HCN1: variants seen among roughly 807,000 people sequenced by gnomAD.
HCN1 encodes potassium/sodium hyperpolarization-activated cyclic nucleotide-gated channel 1.
HCN1 carries 13 observed loss-of-function variants against 78.9 expected under a neutral mutation model. That is an observed-to-expected ratio of 0.16 (90% CI 0.11 to 0.26). The LOEUF (loss-of-function observed/expected upper bound fraction) is 0.26. Among genes scored for constraint, HCN1 ranks in the 10% least tolerant of loss-of-function variants. HCN1 has a pLI of 1.00. For synonymous variants in HCN1, 552 were observed against 455.5 expected (o/e 1.21, Z -2.70); for missense variants, 810 against 1,154.3 (o/e 0.70, Z 4.32).
chr5:45,262,341 C>A lies in HCN1; in HGVS notation c.2253G>T (p.Pro751=). ...SQPPQTQPQQ[P]SPQPQTPGSS... ...TGCCAGGTGTCTGTGGCTGCGGGGA[C>A]GGCTGCTGTGGCTGAGTCTGCGGCG... The change falls in exon 8 of 8, where the codon CCG becomes CCT. Residue 751 remains proline, a synonymous_variant. Coordinates refer to ENST00000303230, the MANE Select transcript of HCN1 (RefSeq NM_021072.4). 2.5e-6 allele frequency: 4 copies of A among 1,613,318 alleles called. No individual in the cohort carries two copies. The highest frequency in any genetic ancestry group is 3.4e-6 in the Non-Finnish European group (4 of 1,179,856).
At chr5:45,270,258 C>A (rs1206137965) in intron 6 of HCN1, among the ~76,000 whole-genome samples, 1 of 152,184 alleles carries the variant, frequency 6.6e-6, no homozygotes, top group Non-Finnish European at 1.5e-5. Flanking sequence ...AAAAGTTGTA[C>A]TACAGGTCCC....
chr5:45,431,710 T>G (rs1016199161), intron 3 of HCN1, among the ~76,000 whole-genome samples: 3 of 152,166 alleles, frequency 2.0e-5, no homozygotes, highest in Non-Finnish European at 4.4e-5. Flanking sequence ...CCGTTGCTTG[T>G]TTTTGTCAAC....
chr5:45,648,061 A>G (rs1407503248), intron 1 of HCN1, among the ~76,000 whole-genome samples: 1 of 152,168 alleles, frequency 6.6e-6, no homozygotes, highest in Non-Finnish European at 1.5e-5. Flanking sequence ...GGTTTTATGG[A>G]TTAAACGAGA....
At chr5:45,579,112 T>G (rs1445069878) in intron 2 of HCN1, among the ~76,000 whole-genome samples, 1 of 152,048 alleles carries the variant, frequency 6.6e-6, no homozygotes, top group Non-Finnish European at 1.5e-5. Context: ...GTATAATAAT[T>G]AAATATACAC....
At chr5:45,470,003 ATT>A (rs1741357735) in intron 2 of HCN1, among the ~76,000 whole-genome samples, 1 of 152,052 alleles carries the variant, frequency 6.6e-6, no homozygotes, top group Admixed American at 6.6e-5. Flanking sequence ...CAACTCGCTT[ATT>A]GCACCATTTG....
intron 6 of HCN1, among the ~76,000 whole-genome samples, chr5:45,288,672 A>G (rs942798270): frequency 1.3e-5 from 2 of 152,080 alleles, no homozygotes; most frequent in Non-Finnish European, 1.5e-5. Flanking sequence ...GCAATATTAT[A>G]GAAAGAAAGA....
chr5:45,473,571 T>C (rs922180275), intron 2 of HCN1, among the ~76,000 whole-genome samples: 3 of 151,686 alleles, frequency 2.0e-5, no homozygotes, highest in African/African-American at 7.2e-5. Flanking sequence ...CCTCACCTAT[T>C]TTTTTTCTTT....
intron 5 of HCN1, among the ~76,000 whole-genome samples, chr5:45,311,827 T>C (rs1745856894): frequency 6.6e-6 from 1 of 152,202 alleles, no homozygotes; most frequent in Non-Finnish European, 1.5e-5. Context: ...ACTGGTCGCC[T>C]TGGAACCTGG....
Position 45,582,001 on chromosome 5 carries a change from C to T in HCN1, c.849+63184G>A, listed in dbSNP as rs561301144. Among the ~76,000 whole-genome samples the T allele has an allele frequency of 1.8e-4, 28 of 152,208 alleles. 1 individual carries two copies. The South Asian group carries it at 3.3e-3, about 18-fold the overall frequency. On this transcript the variant is annotated intron_variant, in intron 2 of 7. Coordinates refer to ENST00000303230, the MANE Select transcript of HCN1 (RefSeq NM_021072.4). The stretch of plus-strand genomic sequence containing the variant: ...TTGGCTTAGGATTGACTTGGCAATG[C>T]GGGCTCTTTTTTGGTTCCATATGAA...
chr5:45,482,733 A>G (rs576864568), intron 2 of HCN1, among the ~76,000 whole-genome samples: 1 of 152,214 alleles, frequency 6.6e-6, no homozygotes, highest in African/African-American at 2.4e-5. Flanking sequence ...CACAATACCT[A>G]TAGGTAGTTT....
At chr5:45,469,757 A>G (rs1741350708) in intron 2 of HCN1, among the ~76,000 whole-genome samples, 1 of 151,812 alleles carries the variant, frequency 6.6e-6, no homozygotes, top group African/African-American at 2.4e-5. Context: ...CATTAAAAAG[A>G]ATAATTAAAA....
At chr5:45,357,307 T>C (rs1386762813) in intron 4 of HCN1, among the ~76,000 whole-genome samples, 1 of 152,090 alleles carries the variant, frequency 6.6e-6, no homozygotes, top group Non-Finnish European at 1.5e-5. Flanking sequence ...TGAACTCCTC[T>C]AGTTGGATGT....
intron 2 of HCN1, among the ~76,000 whole-genome samples, chr5:45,625,254 G>A (rs1005889185): frequency 9.9e-5 from 15 of 152,014 alleles, no homozygotes; most frequent in Admixed American, 8.5e-4. Flanking sequence ...AATGAGCTGA[G>A]ACCATGCCAT....
chr5:45,305,757 A>G (rs1745720473), intron 5 of HCN1, among the ~76,000 whole-genome samples: 1 of 150,082 alleles, frequency 6.7e-6, no homozygotes, highest in African/African-American at 2.5e-5. Context: ...AAGAAACAGA[A>G]GAAGGGAGGG....
chr5:45,557,736 A>C (rs770692654), intron 2 of HCN1, among the ~76,000 whole-genome samples: 11 of 152,046 alleles, frequency 7.2e-5, no homozygotes, highest in Non-Finnish European at 1.2e-4. Flanking sequence ...TGATGTTACT[A>C]ATGTAATTTC....
At chr5:45,635,795 A>T (rs1382782738) in intron 2 of HCN1, among the ~76,000 whole-genome samples, 3 of 152,064 alleles carry the variant, frequency 2.0e-5, no homozygotes, top group African/African-American at 7.2e-5. Context: ...AATTTTATTT[A>T]CTCTTGAGCT....
intron 2 of HCN1, among the ~76,000 whole-genome samples, chr5:45,546,476 G>A (rs905515251): frequency 1.3e-5 from 2 of 151,840 alleles, no homozygotes; most frequent in Non-Finnish European, 2.9e-5. Flanking sequence ...CACCTAAAGT[G>A]ACTTTCCGGA....
At chr5:45,371,409 G>T (rs796950157) in intron 4 of HCN1, among the ~76,000 whole-genome samples, 1 of 151,652 alleles carries the variant, frequency 6.6e-6, no homozygotes, top group South Asian at 2.1e-4. Context: ...ATAAAGAGAA[G>T]ATCCAAATAA....
At position 45,262,551 on chromosome 5, in the gene HCN1, G is replaced by A. The variant is rs369398186; in HGVS notation, c.2043C>T (p.Pro681=). 2.5e-6 allele frequency: 4 copies of A among 1,613,730 alleles called. No homozygotes were observed. The highest frequency in any genetic ancestry group is 2.7e-5 in the African/African-American group (2 of 74,848). The change falls in exon 8 of 8, where the codon CCC becomes CCT. Residue 681 remains proline (P), a synonymous_variant. Coordinates refer to ENST00000303230, the MANE Select transcript of HCN1 (RefSeq NM_021072.4). ...TSLSHSNLHS[P]SPSTQTPQPS... ...GCTGGGGGGTCTGTGTGCTGGGACT[G>A]GGGGAGTGCAGGTTGCTGTGAGACA...
Sources: gnomAD v4.1 joint callset for allele counts (sites outside exome capture counted in the v4.1 genomes callset) on GRCh38, gnomAD v4.1.1 for gene constraint, MANE v1.5 for transcripts, NCBI Gene and HGNC (gene_info 2026-07-23, HGNC 2026-07-21) for gene names.